The following GRHPR variants were observed in gnomAD, a reference collection of about 807,000 sequenced individuals.
GRHPR encodes glyoxylate and hydroxypyruvate reductase.
Under a neutral mutation model 36.8 loss-of-function variants are expected in GRHPR, and 35 were observed. That is an observed-to-expected ratio of 0.95 (90% CI 0.73 to 1.26). The LOEUF (loss-of-function observed/expected upper bound fraction) is 1.26, where lower values mean the gene tolerates loss of function less well. Among genes scored for constraint, GRHPR ranks in the 50% most tolerant of loss-of-function variants. The pLI is 0.00. For synonymous variants in GRHPR, 179 were observed against 181.0 expected (o/e 0.99, Z 0.09); for missense variants, 380 against 435.0 (o/e 0.87, Z 1.12).
chr9:37,423,725 C>T (rs1193335658), intron 1 of GRHPR, among the ~76,000 whole-genome samples: 1 of 152,218 alleles, frequency 6.6e-6, no homozygotes, highest in Non-Finnish European at 1.5e-5. Context: ...CCTCCCACCT[C>T]AGCCTCCCAA....
At chr9:37,436,301 G>A (rs1823644400) in intron 8 of GRHPR, among the ~76,000 whole-genome samples, 1 of 151,946 alleles carries the variant, frequency 6.6e-6, no homozygotes, top group South Asian at 2.1e-4. Context: ...GTAGAGACGG[G>A]GTTTTGCCAT....
chr9:37,422,673 C>A, upstream of GRHPR: 1 of 1,188,580 alleles, frequency 8.4e-7, no homozygotes, highest in Non-Finnish European at 1.2e-6. Context: ...CCCACTCCAG[C>A]CTGGCCCCGC....
At chr9:37,433,228 ATTTTTTTTT>A (rs11345501) in intron 8 of GRHPR, among the ~76,000 whole-genome samples, 2 of 97,202 alleles carry the variant, frequency 2.1e-5, no homozygotes, top group Non-Finnish European at 4.3e-5. Context: ...TGGTTCTCAC[ATTTTTTTTT>A]TTTTTTTTTT....
intron 1 of GRHPR, 67 bp downstream of exon 1, chr9:37,422,900 C>G: frequency 8.4e-7 from 1 of 1,193,844 alleles, no homozygotes; most frequent in Non-Finnish European, 1.2e-6. Context: ...CCGGGCGGGG[C>G]GTTTGGGCCT....
chr9:37,432,051 A>AG lies in GRHPR; in HGVS notation c.779dup (p.Ser260ArgfsTer3). On this transcript the variant is annotated frameshift_variant, in exon 8 of 9. Coordinates refer to ENST00000318158, the MANE Select transcript of GRHPR (RefSeq NM_012203.2). LOFTEE classifies it high-confidence loss of function. ...GGACGACCTGTACCAGGCCTTGGCC[A>AG]GTGGTAAGATTGCAGCTGCTGGACT... 8 of 1,614,112 alleles carry AG rather than the reference A, an allele frequency of 5.0e-6. No homozygotes were observed. Among genetic ancestry groups the AG allele is most frequent in the Non-Finnish European group, 6.8e-6 (8 of 1,179,944 alleles).
intron 6 of GRHPR, 173 bp from the exon 7 acceptor site, chr9:37,430,338 C>G: frequency 1.4e-6 from 1 of 697,014 alleles, no homozygotes. Flanking sequence ...CCAGATCCCA[C>G]TGTGTGTGAT....
chr9:37,437,251 C>T (rs556661317), downstream of GRHPR, among the ~76,000 whole-genome samples: 4 of 152,276 alleles, frequency 2.6e-5, no homozygotes, highest in East Asian at 5.8e-4. Context: ...TGTAGCAAGA[C>T]ACCGTTTCAA....
Position 37,436,871 on chromosome 9 carries a change from C to A in GRHPR, c.*89C>A. On this transcript the variant is annotated 3_prime_UTR_variant, in exon 9 of 9. Transcript: ENST00000318158. ...GCTTGATTTGGATCCACAGGCAGAG[C>A]CAAGGGAAGGTGTGATTCTCTGAGG... The A allele has an allele frequency of 2.9e-6, 4 of 1,386,384 alleles. No homozygotes were observed. The highest frequency in any genetic ancestry group is 3.1e-6 in the Non-Finnish European group (3 of 974,072). The allele number at this position is 1,386,384 out of a possible 1,614,324, so 85.9% of individuals were successfully genotyped here. A position where few individuals can be genotyped will look rare whatever the true frequency, so the allele number is the denominator to read the frequency against.
chr9:37,422,619 C>G (rs1564294576), upstream of GRHPR: 1 of 746,514 alleles, frequency 1.3e-6, no homozygotes, highest in East Asian at 2.7e-5. Flanking sequence ...CTCCCTCTCG[C>G]GAAGCCACAC....
At chr9:37,430,375 T>G in intron 6 of GRHPR, 136 bp from the exon 7 acceptor site, 1 of 778,130 alleles carries the variant, frequency 1.3e-6, no homozygotes, top group Non-Finnish European at 2.3e-6. Flanking sequence ...ATGAGAGTTG[T>G]CCAGGTAGAG....
intron 7 of GRHPR, chr9:37,431,578 C>A: frequency 3.9e-6 from 1 of 259,304 alleles, no homozygotes; most frequent in African/African-American, 2.2e-5. Context: ...CCTGATAGCA[C>A]ACTGTGGTGC....
intron 2 of GRHPR, among the ~76,000 whole-genome samples, chr9:37,425,195 C>T (rs920758051): frequency 6.6e-6 from 1 of 152,212 alleles, no homozygotes; most frequent in Admixed American, 6.5e-5. Flanking sequence ...GCAAAGACCG[C>T]GGTGTGGAGA....
At chr9:37,426,024 C>CT in intron 3 of GRHPR, 30 bp downstream of exon 3, 5 of 1,460,376 alleles carry the variant, frequency 3.4e-6, no homozygotes, top group Non-Finnish European at 4.8e-6. Context: ...TGGAGGGGGC[C>CT]TAGAGAGAGG....
rs571167789 is a variant in GRHPR at position 37,426,406 on chromosome 9, C to T, written c.288-132C>T. The T allele has an allele frequency of 6.7e-5, 52 of 779,274 alleles. No individual in the cohort carries two copies. In the Middle Eastern group the frequency reaches 9.2e-4, roughly 14 times the overall value. 48.3% of individuals were successfully genotyped at this position (779,274 alleles called of 1,614,324 possible). On this transcript the variant is annotated intron_variant, in intron 3 of 8. Coordinates refer to ENST00000318158, the MANE Select transcript of GRHPR (RefSeq NM_012203.2). ...AATGAGGACTGCCCGTTTTTGAGTG[C>T]TCATTTATAGTTCTGAGCTTCCTGG...
chr9:37,435,774 T>A (rs1823612291), intron 8 of GRHPR, among the ~76,000 whole-genome samples: 1 of 152,164 alleles, frequency 6.6e-6, no homozygotes, highest in African/African-American at 2.4e-5. Flanking sequence ...GAAACATGAT[T>A]TCTACCTGGA....
Position 37,436,650 on chromosome 9 carries a change from C to T in GRHPR, c.866-11C>T. The T allele has an allele frequency of 6.2e-7, 1 of 1,613,764 alleles. No individual in the cohort carries two copies. Among genetic ancestry groups the T allele is most frequent in the South Asian group, 1.1e-5 (1 of 91,074 alleles). On this transcript the variant is annotated splice_polypyrimidine_tract_variant and intron_variant, in intron 8 of 8. Coordinates refer to ENST00000318158, the MANE Select transcript of GRHPR (RefSeq NM_012203.2). Reference sequence around the variant, plus strand: ...TTCTTATCTCCCTCTCTCTCTCTCTCTCCTTTCCAGTGATTCTGCCCCACA... The same window carrying T: ...TTCTTATCTCCCTCTCTCTCTCTCTTTCCTTTCCAGTGATTCTGCCCCACA...
chr9:37,423,074 A>G (rs1822913052), intron 1 of GRHPR, among the ~76,000 whole-genome samples: 1 of 151,948 alleles, frequency 6.6e-6, no homozygotes, highest in Non-Finnish European at 1.5e-5. Flanking sequence ...CTCCCACAGG[A>G]CATGTGGGGT....
At chr9:37,424,706 C>T (rs932528126) in intron 1 of GRHPR, 139 bp from the exon 2 acceptor site, 2 of 945,738 alleles carry the variant, frequency 2.1e-6, no homozygotes, top group African/African-American at 1.6e-5. Flanking sequence ...CTGAGACCAC[C>T]CCTGCCTGAC....
At chr9:37,439,362 GAAC>G (rs1823809008), downstream of GRHPR, 1 of 152,226 alleles carries the variant, frequency 6.6e-6, no homozygotes, top group African/African-American at 2.4e-5. Context: ...ATTTACCCAT[GAAC>G]ACTACCATGT....
Sources: gnomAD v4.1 joint callset for allele counts (sites outside exome capture counted in the v4.1 genomes callset) on GRCh38, gnomAD v4.1.1 for gene constraint, MANE v1.5 for transcripts, NCBI Gene and HGNC (gene_info 2026-07-23, HGNC 2026-07-21) for gene names.